The following ZNF671 variants were observed in gnomAD, a reference collection of about 807,000 sequenced individuals.
ZNF671 encodes the protein hypothetical protein FLJ23506.
A neutral mutation model predicts 16.6 loss-of-function variants in ZNF671; 19 were observed. The ratio of observed to expected loss-of-function variants is 1.14; its 90% CI spans 0.80 to 1.68. The LOEUF is 1.68. ZNF671 is among the 40% of genes most tolerant of loss of function. ZNF671 has a pLI of 0.00. For missense variants in ZNF671, 637 were observed against 659.8 expected (o/e 0.97, Z 0.38); for synonymous variants, 238 against 236.3 (o/e 1.01, Z -0.06).
Position 57,721,037 on chromosome 19 carries a change from A to T in ZNF671, c.1049T>A (p.Phe350Tyr). Reference protein sequence around the residue: ...PYECSECGKFFRQISGLIEHR... With the variant: ...PYECSECGKFYRQISGLIEHR... Reference sequence around the variant, plus strand: ...CTCAATCAGGCCGGAGATTTGTCTAAAGAATTTCCCACATTCGCTGCACTC... The same window carrying T: ...CTCAATCAGGCCGGAGATTTGTCTATAGAATTTCCCACATTCGCTGCACTC... The change falls in exon 4 of 4, where the codon TTT becomes TAT. Residue 350 changes from phenylalanine (F) to tyrosine (Y), a missense_variant. Physicochemically the swap from Phe to Tyr is conservative, Grantham distance 22. Coordinates refer to ENST00000317398, the MANE Select transcript of ZNF671 (RefSeq NM_024833.3). 1 of 1,614,082 alleles carries T rather than the reference A, an allele frequency of 6.2e-7. No individual in the cohort carries two copies. Among genetic ancestry groups the T allele is most frequent in the Non-Finnish European group, 8.5e-7 (1 of 1,179,966 alleles).
At chr19:57,723,090 C>G (rs996422379) in intron 2 of ZNF671, 124 bp downstream of exon 2, 12 of 1,324,922 alleles carry the variant, frequency 9.1e-6, no homozygotes, top group East Asian at 2.3e-5. Flanking sequence ...AGGGAGGACA[C>G]TCCATACAGC....
rs1454607888 is a variant in ZNF671, at chr19:57,720,028, G to A, written c.*453C>T. 5.8e-6 allele frequency: 1 copy of A among 171,652 alleles called. No homozygotes were observed. The highest frequency in any genetic ancestry group is 1.4e-4 in the East Asian group (1 of 7,210). The allele number at this position is 171,652 out of a possible 1,614,324, so 10.6% of individuals were successfully genotyped here. On this transcript the variant is annotated 3_prime_UTR_variant, in exon 4 of 4. Coordinates refer to ENST00000317398, the MANE Select transcript of ZNF671 (RefSeq NM_024833.3). ...TTTAGGGACTGGGGAGAGAAGAGAG[G>A]TCTGCCCGTCACAAGCATGCTGGGG...
In ZNF671 at chr19:57,727,165, T is replaced by A. The variant is rs571898681; in HGVS notation, c.138+226A>T. On this transcript the variant is annotated intron_variant, in intron 1 of 3. Coordinates refer to ENST00000317398, the MANE Select transcript of ZNF671 (RefSeq NM_024833.3). Reference sequence around the variant, plus strand: ...CCAGTCACAGTTCCTCAAACTCTGCTCTGTGTTGATGAGAACCCTGTCTCC... The same window carrying A: ...CCAGTCACAGTTCCTCAAACTCTGCACTGTGTTGATGAGAACCCTGTCTCC... The A allele has an allele frequency of 2.6e-5, 12 of 464,204 alleles. No homozygotes were observed. In the South Asian group the frequency reaches 5.5e-4, roughly 21 times the overall value. 28.8% of individuals were successfully genotyped at this position (464,204 alleles called of 1,614,324 possible).
At position 57,720,467 on chromosome 19, in the gene ZNF671, C is replaced by A; in HGVS notation, c.*14G>T. On this transcript the variant is annotated 3_prime_UTR_variant, in exon 4 of 4. Coordinates refer to ENST00000317398, the MANE Select transcript of ZNF671 (RefSeq NM_024833.3). ...GGCATTGGCCTAAGACTTTCCCCCA[C>A]ATTTGCTACACTCTTAAAGCTTTTC... 1.2e-6 allele frequency: 2 copies of A among 1,604,962 alleles called. No homozygotes were observed. Among genetic ancestry groups the A allele is most frequent in the Middle Eastern group, 1.7e-4 (1 of 6,028 alleles).
rs750637203 is a variant in ZNF671 at position 57,721,445 on chromosome 19, G to A, written c.641C>T (p.Pro214Leu). The change falls in exon 4 of 4, where the codon CCC (proline) becomes CTC (leucine). Residue 214 changes from proline to leucine, a missense_variant. Physicochemically the swap from Pro to Leu is moderately conservative, Grantham distance 98. Transcript: ENST00000317398. ...CCTTGGGAAAAGTTTCCCTCCATTG[G>A]GCTGGTTCTGGTGCTGGTCAAAGTC... Reference protein sequence around the residue: ...STDFDQHQNQPNGGKLFPRKE... With the variant: ...STDFDQHQNQLNGGKLFPRKE... 6.2e-7 allele frequency: 1 copy of A among 1,614,060 alleles called. No individual in the cohort carries two copies. Among genetic ancestry groups the A allele is most frequent in the African/African-American group, 1.3e-5 (1 of 74,904 alleles).
intron 1 of ZNF671, among the ~76,000 whole-genome samples, chr19:57,726,324 AAAAT>A (rs944407117): frequency 1.1e-4 from 16 of 151,984 alleles, no homozygotes; most frequent in Non-Finnish European, 1.6e-4. Flanking sequence ...AAAAATAAAA[AAAAT>A]AAATAAACTA....
At chr19:57,723,435 G>T in intron 1 of ZNF671, 95 bp from the exon 2 acceptor site, 1 of 1,465,376 alleles carries the variant, frequency 6.8e-7, no homozygotes, top group Non-Finnish European at 9.2e-7. Flanking sequence ...AACCTCCCAG[G>T]TTCCCAAGTC....
Position 57,727,616 on chromosome 19 carries a change from G to C in ZNF671, c.-88C>G, listed in dbSNP as rs1568469599. On this transcript the variant is annotated 5_prime_UTR_variant, in exon 1 of 4. Transcript: ENST00000317398. Reference sequence around the variant, plus strand: ...AGGGACAGCCTGACAGAAACAAAATGTCCGCTACAAGGAGGAGCCGGAAGT... The same window carrying C: ...AGGGACAGCCTGACAGAAACAAAATCTCCGCTACAAGGAGGAGCCGGAAGT... 3 of 1,526,996 alleles carry C rather than the reference G, an allele frequency of 2.0e-6. No individual in the cohort carries two copies. The East Asian group carries it at 6.9e-5, about 35-fold the overall frequency. The allele number at this position is 1,526,996 out of a possible 1,614,324, so 94.6% of individuals were successfully genotyped here. A position where few individuals can be genotyped will look rare whatever the true frequency, so the allele number is the denominator to read the frequency against.
Position 57,720,322 on chromosome 19 carries a change from AG to A in ZNF671, c.*158del. 8.9e-6 allele frequency: 9 copies of A among 1,013,386 alleles called. No individual in the cohort carries two copies. Among genetic ancestry groups the A allele is most frequent in the Non-Finnish European group, 1.3e-5 (9 of 690,738 alleles). The allele number at this position is 1,013,386 out of a possible 1,614,324, so 62.8% of individuals were successfully genotyped here. On this transcript the variant is annotated 3_prime_UTR_variant, in exon 4 of 4. Coordinates refer to ENST00000317398, the MANE Select transcript of ZNF671 (RefSeq NM_024833.3). ...AGACAGCACATTGCTTAGACTGCTAAGGCCTGTGTCCGGTGTGAAATTCCCA... is the reference window on the plus strand; with the variant it reads ...AGACAGCACATTGCTTAGACTGCTAAGCCTGTGTCCGGTGTGAAATTCCCA...
intron 1 of ZNF671, 143 bp downstream of exon 1, chr19:57,727,248 C>T: frequency 8.1e-7 from 1 of 1,236,830 alleles, no homozygotes; most frequent in South Asian, 1.7e-5. Flanking sequence ...CCCCTCCGCC[C>T]GTAACTCTCC....
At position 57,721,678 on chromosome 19, in the gene ZNF671, C is replaced by T. The variant is rs375242926; in HGVS notation, c.408G>A (p.Glu136=). ...TCTGCTCAGAAGATACCTCTTCATCCTCCACTCCATGCCAACAACCTGAAG... is the reference window on the plus strand; with the variant it reads ...TCTGCTCAGAAGATACCTCTTCATCTTCCACTCCATGCCAACAACCTGAAG... ...GLRPGCWHGV[E]DEEVSSEQSI... The change falls in exon 4 of 4, where the codon GAG becomes GAA. Residue 136 remains glutamate (E), a synonymous_variant. Coordinates refer to ENST00000317398, the MANE Select transcript of ZNF671 (RefSeq NM_024833.3). The T allele has an allele frequency of 1.3e-4, 210 of 1,612,960 alleles. No individual in the cohort carries two copies. The South Asian group carries it at 2.2e-3, about 17-fold the overall frequency.
rs1211555094 is a variant in ZNF671 at position 57,727,525 on chromosome 19, A to T, written c.4T>A (p.Leu2Met). The change falls in exon 1 of 4, where the codon TTG (leucine) becomes ATG (methionine). Residue 2 changes from leucine (L) to methionine (M), a missense_variant. Leu to Met is a conservative substitution (Grantham distance 15). Coordinates refer to ENST00000317398, the MANE Select transcript of ZNF671 (RefSeq NM_024833.3). MLSPVSRDASDA... is the reference protein window; with the variant it reads MMSPVSRDASDA... The stretch of plus-strand genomic sequence containing the variant: ...GACGCGTCTCGGGACACTGGGGACA[A>T]CATCTCCTCCGCGCTTTCCCAACAC... The T allele has an allele frequency of 1.3e-6, 2 of 1,598,930 alleles. No homozygotes were observed. Among genetic ancestry groups the T allele is most frequent in the East Asian group, 4.5e-5 (2 of 44,182 alleles).
intron 1 of ZNF671, among the ~76,000 whole-genome samples, chr19:57,724,527 AT>A (rs3062203): frequency 0.18 from 25,396 of 143,330 alleles, 2,314 homozygotes; most frequent in East Asian, 0.38. Context: ...ACACATAACA[AT>A]TTTTTTTTTT....
intron 1 of ZNF671, 110 bp downstream of exon 1, chr19:57,727,281 G>T: frequency 7.0e-7 from 1 of 1,426,240 alleles, no homozygotes; most frequent in Non-Finnish European, 9.3e-7. Flanking sequence ...CACCGAGATA[G>T]GACCCCGCCC....
At position 57,720,733 on chromosome 19, in the gene ZNF671, A is replaced by AT. The variant is rs1491343009; in HGVS notation, c.1352dup (p.Tyr451Ter). 3 of 1,614,124 alleles carry AT rather than the reference A, an allele frequency of 1.9e-6. No individual in the cohort carries two copies. The African/African-American group carries it at 4.0e-5, about 22-fold the overall frequency. The change falls in exon 4 of 4, where the codon TAT (tyrosine) becomes TAAT (stop). Residue 451 changes from tyrosine to a stop codon, truncating the protein, a stop_gained and frameshift_variant. Transcript: ENST00000317398. LOFTEE classifies it low-confidence loss of function (END_TRUNC). Reference sequence around the variant, plus strand: ...AAGCTTTACCACATCTGCTACACTCATAATCACTGCTGTGAATTCTCCAGT... The same window carrying AT: ...AAGCTTTACCACATCTGCTACACTCATTAATCACTGCTGTGAATTCTCCAGT... ...NVHWRIHSSD[Y>*]ECSRCGKAFS... is the part of the protein sequence containing the mutation.
Position 57,720,638 on chromosome 19 carries a change from T to G in ZNF671, c.1448A>C (p.Lys483Thr). 2 of 1,614,252 alleles carry G rather than the reference T, an allele frequency of 1.2e-6. No homozygotes were observed. Among genetic ancestry groups the G allele is most frequent in the South Asian group, 2.2e-5 (2 of 91,088 alleles). The change falls in exon 4 of 4, where the codon AAG becomes ACG. Residue 483 changes from lysine to threonine, a missense_variant. By Grantham distance (78) the Lys-to-Thr change is moderately conservative. Coordinates refer to ENST00000317398, the MANE Select transcript of ZNF671 (RefSeq NM_024833.3). ...HSGEKPYECS[K>T]CGKAFTQRPN... ...TCTTTGAGTGAAGGCTTTCCCGCACTTGCTGCACTCATAAGGCTTTTCTCC... is the reference window on the plus strand; with the variant it reads ...TCTTTGAGTGAAGGCTTTCCCGCACGTGCTGCACTCATAAGGCTTTTCTCC...
chr19:57,727,329 G>A (rs1274614496), intron 1 of ZNF671, 62 bp downstream of exon 1: 1 of 1,535,868 alleles, frequency 6.5e-7, no homozygotes, highest in Non-Finnish European at 8.8e-7. Flanking sequence ...AGGGGCTGCA[G>A]GCACTTTACG....
At chr19:57,725,154 CTT>C (rs968514343) in intron 1 of ZNF671, among the ~76,000 whole-genome samples, 5 of 144,242 alleles carry the variant, frequency 3.5e-5, no homozygotes, top group Admixed American at 7.0e-5. Flanking sequence ...AAGTAGTGAA[CTT>C]TTTTTTTTTT....
At chr19:57,724,502 T>A (rs1221263977) in intron 1 of ZNF671, among the ~76,000 whole-genome samples, 1 of 151,574 alleles carries the variant, frequency 6.6e-6, no homozygotes, top group African/African-American at 2.4e-5. Flanking sequence ...AGCTGGTCAG[T>A]GAGGCAGTCA....
Sources: gnomAD v4.1 joint callset for allele counts (sites outside exome capture counted in the v4.1 genomes callset) on GRCh38, gnomAD v4.1.1 for gene constraint, MANE v1.5 for transcripts, NCBI Gene and HGNC (gene_info 2026-07-23, HGNC 2026-07-21) for gene names.